Variants in MGAM observed in about 807,000 individuals in gnomAD.
MGAM encodes the protein maltase-glucoamylase, also known as alpha-1,4-glucosidase.
In MGAM, 253 loss-of-function variants were observed where a neutral mutation model predicts 358.8. The ratio of observed to expected loss-of-function variants is 0.71; its 90% CI spans 0.64 to 0.78. MGAM has a LOEUF of 0.78. MGAM is among the 30% of genes least tolerant of loss of function. The probability of loss-of-function intolerance (pLI) is 0.00; values close to 1 mark genes in which losing one functional copy is unlikely to be tolerated. For missense variants in MGAM, 3,080 were observed against 3,432.6 expected (o/e 0.90, Z 2.57); for synonymous variants, 1,105 against 1,227.1 (o/e 0.90, Z 2.08).
At chr7:142,042,000 T>G (rs1391612779) in intron 21 of MGAM, among the ~76,000 whole-genome samples, 1 of 13,072 alleles carries the variant, frequency 7.6e-5, no homozygotes, top group African/African-American at 3.3e-4. Context: ...ATATATATAT[T>G]ATATATATAA....
chr7:142,061,519 G>A (rs1812199063), intron 34 of MGAM, among the ~76,000 whole-genome samples: 1 of 152,044 alleles, frequency 6.6e-6, no homozygotes, highest in Admixed American at 6.5e-5. Flanking sequence ...GTTTTCTTAT[G>A]TTCCCTTTTC....
chr7:142,016,126 A>G (rs1333415386), intron 3 of MGAM, among the ~76,000 whole-genome samples: 1 of 152,104 alleles, frequency 6.6e-6, no homozygotes, highest in Non-Finnish European at 1.5e-5. Flanking sequence ...TTTTGACATA[A>G]AGTACTTTCT....
intron 21 of MGAM, among the ~76,000 whole-genome samples, chr7:142,041,975 T>TAC (rs1563145196): frequency 0.012 from 282 of 23,654 alleles, 12 homozygotes; most frequent in African/African-American, 0.04. Flanking sequence ...ATATATTATA[T>TAC]ATATATAATA....
intron 53 of MGAM, 72 bp downstream of exon 53, chr7:142,083,485 G>C: frequency 9.3e-7 from 1 of 1,079,260 alleles, no homozygotes; most frequent in Non-Finnish European, 1.3e-6. Flanking sequence ...ACATTCATTA[G>C]TATAACTCTC....
chr7:142,046,511 G>T (rs1224615765), intron 21 of MGAM, among the ~76,000 whole-genome samples: 1 of 151,998 alleles, frequency 6.6e-6, no homozygotes, highest in Admixed American at 6.6e-5. Flanking sequence ...GGGAATCAGA[G>T]GTTCACATTC....
intron 55 of MGAM, 128 bp downstream of exon 55, chr7:142,086,089 C>A: frequency 6.9e-7 from 1 of 1,452,766 alleles, no homozygotes; most frequent in South Asian, 1.3e-5. Flanking sequence ...GTGTATTTCC[C>A]TGGACTCACA....
intron 7 of MGAM, among the ~76,000 whole-genome samples, chr7:142,024,403 G>A (rs1246785246): frequency 8.5e-6 from 1 of 117,684 alleles, no homozygotes; most frequent in African/African-American, 3.5e-5. Flanking sequence ...GACAGAGTGA[G>A]ACCCTGTCTG....
chr7:142,021,876 G>T, intron 6 of MGAM, 139 bp downstream of exon 6: 1 of 856,378 alleles, frequency 1.2e-6, no homozygotes, highest in Non-Finnish European at 1.8e-6. Context: ...ACCTTCTAAA[G>T]TATACATTTT....
At chr7:142,034,406 T>C in intron 15 of MGAM, 27 bp downstream of exon 15, 1 of 1,378,936 alleles carries the variant, frequency 7.3e-7, no homozygotes, top group African/African-American at 1.4e-5. Flanking sequence ...TATGACCTGC[T>C]AATTATTGAA....
chr7:142,032,854 T>A lies in MGAM; in HGVS notation c.1614T>A (p.Asp538Glu). 6.2e-7 allele frequency: 1 copy of A among 1,610,948 alleles called. No homozygotes were observed. The highest frequency in any genetic ancestry group is 8.5e-7 in the Non-Finnish European group (1 of 1,178,358). The part of the protein sequence containing the change: ...IDMNEVSNFV[D>E]GSVSGCSTNN... The stretch of plus-strand genomic sequence containing the variant: ...TGAATGAAGTCTCCAACTTTGTTGA[T>A]GGTTCGGTCTCAGGATGTTCCACAA... Residue 538 changes from aspartate (D) to glutamate (E), a missense_variant, in exon 14 of 71, where the codon GAT becomes GAA. Physicochemically the swap from Asp to Glu is conservative, Grantham distance 45. Coordinates refer to ENST00000475668, the MANE Select transcript of MGAM (RefSeq NM_001365693.1).
rs566310111 is a variant in MGAM, at chr7:142,082,106, C to A, written c.6067C>A (p.Pro2023Thr). ...GTTTATCCGCATCTCCACCCGCCTT[C>A]CCTCCAAGTACCTCTATGGCTTTGG... ...DMFIRISTRL[P>T]SKYLYGFGET... The change falls in exon 51 of 71, where the codon CCC (proline) becomes ACC (threonine). Residue 2023 changes from proline (P) to threonine (T), a missense_variant. Pro to Thr is a conservative substitution (Grantham distance 38, BLOSUM62 -1). Coordinates refer to ENST00000475668, the MANE Select transcript of MGAM (RefSeq NM_001365693.1). 1 of 1,556,070 alleles carries A rather than the reference C, an allele frequency of 6.4e-7. No homozygotes were observed. The highest frequency in any genetic ancestry group is 1.1e-5 in the South Asian group (1 of 89,202).
rs923321049 is a variant in MGAM at position 142,059,270 on chromosome 7, AT to A, written c.3820-194del. Among the ~76,000 whole-genome samples the A allele has an allele frequency of 7.2e-5, 11 of 152,016 alleles. No homozygotes were observed. The South Asian group carries it at 1.5e-3, about 20-fold the overall frequency. On this transcript the variant is annotated intron_variant, in intron 31 of 70. Coordinates refer to ENST00000475668, the MANE Select transcript of MGAM (RefSeq NM_001365693.1). Reference sequence around the variant, plus strand: ...CTCATCCTAGCTTGTGCTGACTTCGATTTTTTTTCTATCTTATCACTGAACA... The same window carrying A: ...CTCATCCTAGCTTGTGCTGACTTCGATTTTTTTCTATCTTATCACTGAACA...
chr7:142,049,092 T>G (rs1208438854), intron 22 of MGAM, among the ~76,000 whole-genome samples: 1 of 152,202 alleles, frequency 6.6e-6, no homozygotes, highest in Non-Finnish European at 1.5e-5. Flanking sequence ...GTTTCACATG[T>G]AAGTGAGACC....
chr7:142,101,160 C>G (rs1272120530), intron 68 of MGAM, among the ~76,000 whole-genome samples: 3 of 152,092 alleles, frequency 2.0e-5, no homozygotes, highest in Non-Finnish European at 4.4e-5. Flanking sequence ...TTATTTGTAG[C>G]CAGCGGAGAT....
chr7:142,096,291 T>C, intron 64 of MGAM, 40 bp from the exon 65 acceptor site: 1 of 1,509,340 alleles, frequency 6.6e-7, no homozygotes, highest in South Asian at 1.1e-5. Context: ...GGGCTGGGGC[T>C]CTGTTGGGCT....
At position 142,080,787 on chromosome 7, in the gene MGAM, C is replaced by A; in HGVS notation, c.5848-4C>A. 1 of 1,550,988 alleles carries A rather than the reference C, an allele frequency of 6.4e-7. No individual in the cohort carries two copies. On this transcript the variant is annotated splice_region_variant and splice_polypyrimidine_tract_variant and intron_variant, in intron 49 of 70. Transcript: ENST00000475668. ...TTGCCTAAAATCGTTTTCCTCTGGC[C>A]TAGATTTATGATCCCAACAACAATC...
chr7:142,099,569 G>C, intron 66 of MGAM, 44 bp from the exon 67 acceptor site: 2 of 1,613,554 alleles, frequency 1.2e-6, no homozygotes, highest in African/African-American at 2.7e-5. Context: ...TCAGGGAGGG[G>C]CCTGTCCTCT....
In MGAM at chr7:142,021,466, A is replaced by C. The variant is rs1311099501; in HGVS notation, c.559-120A>C. 3.0e-6 allele frequency: 3 copies of C among 996,540 alleles called. No homozygotes were observed. In the African/African-American group the frequency reaches 4.9e-5, roughly 16 times the overall value. 61.7% of individuals were successfully genotyped at this position (996,540 alleles called of 1,614,324 possible). On this transcript the variant is annotated intron_variant, in intron 5 of 70. Transcript: ENST00000475668. ...TTGAGTTTGGTAACATAATGAGTAC[A>C]TCTACCTAAGATATGAGGTCAGTTT... is the stretch of plus-strand genomic sequence containing the variant.
At chr7:142,053,117 GA>G in intron 26 of MGAM, 133 bp downstream of exon 26, 1 of 1,059,072 alleles carries the variant, frequency 9.4e-7, no homozygotes, top group South Asian at 1.6e-5. Flanking sequence ...AGAGAGCATT[GA>G]GAAATCATTG....
Sources: gnomAD v4.1 joint callset for allele counts (sites outside exome capture counted in the v4.1 genomes callset) on GRCh38, gnomAD v4.1.1 for gene constraint, MANE v1.5 for transcripts, NCBI Gene and HGNC (gene_info 2026-07-23, HGNC 2026-07-21) for gene names.